The following SPOCK3 variants were observed in gnomAD, a reference collection of about 807,000 sequenced individuals.
SPOCK3 encodes the protein SPARC (osteonectin), cwcv and kazal like domains proteoglycan 3.
SPOCK3 carries 30 observed loss-of-function variants against 56.6 expected under a neutral mutation model. The ratio of observed to expected loss-of-function variants is 0.53; its 90% CI spans 0.40 to 0.72. The LOEUF (loss-of-function observed/expected upper bound fraction) is 0.72. Ranked by LOEUF, SPOCK3 falls within the 30% of genes least tolerant of loss-of-function variation. The pLI is 0.00. For missense variants in SPOCK3, 527 were observed against 530.0 expected (o/e 0.99, Z 0.06); for synonymous variants, 196 against 183.3 (o/e 1.07, Z -0.56).
rs200334086 is a variant in SPOCK3, at chr4:166,783,466, A to G, written c.709+8704T>C. ...GTTGGTGAAAAGATATTCTCTTAATATACCTCCACGTGTTATTTTTAAAAA... is the reference window on the plus strand; with the variant it reads ...GTTGGTGAAAAGATATTCTCTTAATGTACCTCCACGTGTTATTTTTAAAAA... On this transcript the variant is annotated intron_variant, in intron 7 of 10. Coordinates refer to ENST00000357545, the MANE Select transcript of SPOCK3 (RefSeq NM_001040159.2). 8.5e-5 allele frequency among the ~76,000 whole-genome samples: 13 copies of G among 152,306 alleles called. No individual in the cohort carries two copies. The East Asian group carries it at 2.5e-3, about 29-fold the overall frequency.
rs1310970599 is a variant in SPOCK3, at chr4:166,853,529, T to C, written c.589+35601A>G. ...TTCACAAAGGCATTAAAACTCTCTCTCAATTTTTCACTCAGAAGTTTTCAA... is the reference window on the plus strand; with the variant it reads ...TTCACAAAGGCATTAAAACTCTCTCCCAATTTTTCACTCAGAAGTTTTCAA... On this transcript the variant is annotated intron_variant, in intron 6 of 10. Transcript: ENST00000357545. 2.0e-5 allele frequency among the ~76,000 whole-genome samples: 3 copies of C among 152,328 alleles called. 1 individual carries two copies. In the Middle Eastern group the frequency reaches 0.01, roughly 518 times the overall value.
chr4:167,197,943 C>T (rs777905184), intron 2 of SPOCK3, among the ~76,000 whole-genome samples: 3 of 152,124 alleles, frequency 2.0e-5, no homozygotes, highest in Non-Finnish European at 2.9e-5. Context: ...TGTGGCTTTG[C>T]AACATTCTTG....
chr4:167,233,957 C>A (rs1324815154), intron 2 of SPOCK3, 28 bp downstream of exon 2: 2 of 1,600,430 alleles, frequency 1.2e-6, no homozygotes, highest in East Asian at 4.5e-5. Context: ...CGCGCGTGTG[C>A]CCGGGGATGT....
At chr4:166,784,305 A>G (rs1435188348) in intron 7 of SPOCK3, among the ~76,000 whole-genome samples, 1 of 152,130 alleles carries the variant, frequency 6.6e-6, no homozygotes, top group Non-Finnish European at 1.5e-5. Context: ...ATCACTTAGT[A>G]CTTTTATTTT....
chr4:166,906,947 A>G (rs17052666), intron 5 of SPOCK3, among the ~76,000 whole-genome samples: 4,115 of 152,166 alleles, frequency 0.027, 173 homozygotes, highest in African/African-American at 0.084. Flanking sequence ...TGTGCTTCAC[A>G]GTTCTCATCT....
At chr4:166,789,825 G>A (rs1741144657) in intron 7 of SPOCK3, among the ~76,000 whole-genome samples, 1 of 152,124 alleles carries the variant, frequency 6.6e-6, no homozygotes, top group Admixed American at 6.5e-5. Context: ...CTCATGTCTT[G>A]CTGGTAAAAA....
intron 3 of SPOCK3, among the ~76,000 whole-genome samples, chr4:167,036,017 G>A (rs1300962746): frequency 6.6e-6 from 1 of 152,156 alleles, no homozygotes; most frequent in Non-Finnish European, 1.5e-5. Flanking sequence ...AGCTTCCGCT[G>A]AACGCAGCTC....
chr4:167,057,747 T>A (rs1211942886), intron 3 of SPOCK3, among the ~76,000 whole-genome samples: 2 of 152,144 alleles, frequency 1.3e-5, no homozygotes, highest in African/African-American at 4.8e-5. Flanking sequence ...CTATCCTAAA[T>A]ATATATGCAT....
intron 2 of SPOCK3, among the ~76,000 whole-genome samples, chr4:167,109,017 T>TA (rs1471257157): frequency 1.0e-5 from 1 of 97,854 alleles, no homozygotes; most frequent in African/African-American, 4.8e-5. Context: ...TATATACTTA[T>TA]ATAAAAATAT....
At chr4:166,774,875 T>C (rs1347161903) in intron 7 of SPOCK3, among the ~76,000 whole-genome samples, 1 of 152,216 alleles carries the variant, frequency 6.6e-6, no homozygotes, top group Non-Finnish European at 1.5e-5. Flanking sequence ...CCACCTTTGC[T>C]GTCTTTACTC....
intron 6 of SPOCK3, among the ~76,000 whole-genome samples, chr4:166,863,017 T>C (rs969984765): frequency 3.3e-5 from 5 of 151,908 alleles, no homozygotes; most frequent in Non-Finnish European, 7.4e-5. Context: ...GAGAGAAAGG[T>C]CAGATTACCT....
intron 3 of SPOCK3, among the ~76,000 whole-genome samples, chr4:167,015,722 G>A (rs1051393869): frequency 1.3e-5 from 2 of 152,096 alleles, no homozygotes; most frequent in African/African-American, 2.4e-5. Flanking sequence ...CTACTTAGGC[G>A]TGATTAGATT....
intron 6 of SPOCK3, among the ~76,000 whole-genome samples, chr4:166,804,107 G>T (rs1742902028): frequency 1.3e-5 from 2 of 152,118 alleles, no homozygotes; most frequent in Non-Finnish European, 1.5e-5. Context: ...GCTTGGTTTG[G>T]CCCAATCCAT....
rs1427685824 is a variant in SPOCK3, at chr4:167,109,037, TATAC to T, written c.190-46504_190-46501del. ...ACTTATATAAAAATATATATAAATATATACTTATATAAAAATATATATAAATATT... is the reference window on the plus strand; with the variant it reads ...ACTTATATAAAAATATATATAAATATTTATATAAAAATATATATAAATATT... On this transcript the variant is annotated intron_variant, in intron 2 of 10. Coordinates refer to ENST00000357545, the MANE Select transcript of SPOCK3 (RefSeq NM_001040159.2). Among the ~76,000 whole-genome samples the T allele has an allele frequency of 4.6e-4, 22 of 47,486 alleles. 3 individuals are homozygous for T. Among genetic ancestry groups the T allele is most frequent in the South Asian group, 2.8e-3 (4 of 1,428 alleles). 31.2% of individuals were successfully genotyped at this position (47,486 alleles called of 152,430 possible). A position where few individuals can be genotyped will look rare whatever the true frequency, so the allele number is the denominator to read the frequency against.
intron 6 of SPOCK3, among the ~76,000 whole-genome samples, chr4:166,877,242 C>A (rs1006956292): frequency 4.6e-5 from 7 of 152,120 alleles, no homozygotes; most frequent in Non-Finnish European, 1.0e-4. Flanking sequence ...AAATTCTGAA[C>A]CTTTCAGAGC....
intron 2 of SPOCK3, among the ~76,000 whole-genome samples, chr4:167,143,895 G>A (rs1397667429): frequency 1.3e-5 from 2 of 151,930 alleles, no homozygotes; most frequent in Non-Finnish European, 2.9e-5. Context: ...ATTGGAAAGT[G>A]GCATGAGAGT....
intron 2 of SPOCK3, chr4:167,083,240 C>T (rs1757882906): frequency 1.3e-6 from 1 of 765,472 alleles, no homozygotes; most frequent in African/African-American, 1.7e-5. Flanking sequence ...AAGCAAACCT[C>T]TACTTCCTCA....
chr4:166,998,407 CA>C (rs1748612428), intron 4 of SPOCK3, among the ~76,000 whole-genome samples: 1 of 152,046 alleles, frequency 6.6e-6, no homozygotes, highest in South Asian at 2.1e-4. Context: ...TAGTCTTTAT[CA>C]TGTTAAGGAA....
chr4:166,964,028 T>C (rs553895642), intron 4 of SPOCK3, among the ~76,000 whole-genome samples: 19 of 151,862 alleles, frequency 1.3e-4, no homozygotes, highest in South Asian at 1.2e-3. Flanking sequence ...TAATAATTAG[T>C]CCATTATCTT....
Sources: allele counts gnomAD v4.1 joint callset (sites outside exome capture counted in the v4.1 genomes callset), GRCh38; gene constraint gnomAD v4.1.1; transcripts MANE v1.5; gene names NCBI Gene and HGNC (gene_info 2026-07-23, HGNC 2026-07-21).